SLC14A2: variants seen among roughly 807,000 people sequenced by gnomAD.
The protein encoded by SLC14A2 is urea transporter 2.
Under a neutral mutation model 104.6 loss-of-function variants are expected in SLC14A2, and 91 were observed. The ratio of observed to expected loss-of-function variants is 0.87; its 90% CI spans 0.73 to 1.04. The LOEUF (loss-of-function observed/expected upper bound fraction) is 1.04, where lower values mean the gene tolerates loss of function less well. SLC14A2 is among the 50% of genes least tolerant of loss of function. The pLI is 0.00. For missense variants in SLC14A2, 1,189 were observed against 1,156.0 expected (o/e 1.03, Z -0.41); for synonymous variants, 476 against 466.4 (o/e 1.02, Z -0.27).
chr18:45,460,630 A>T (rs549223497), intron 1 of SLC14A2, among the ~76,000 whole-genome samples: 1 of 152,352 alleles, frequency 6.6e-6, no homozygotes, highest in African/African-American at 2.4e-5. Flanking sequence ...CTAACATTTC[A>T]TGTATCTTAA....
intron 2 of SLC14A2, among the ~76,000 whole-genome samples, chr18:45,548,068 T>C (rs1237256152): frequency 6.6e-6 from 1 of 152,170 alleles, no homozygotes; most frequent in African/African-American, 2.4e-5. Flanking sequence ...TGATTTCTGA[T>C]GTCGGGAAAC....
chr18:45,625,553 G>C (rs2045243963), intron 2 of SLC14A2, 130 bp from the exon 3 acceptor site: 3 of 641,760 alleles, frequency 4.7e-6, no homozygotes, highest in African/African-American at 1.9e-5. Flanking sequence ...GCAGACAATG[G>C]GCATGTGTTC....
At chr18:45,410,117 T>C (rs1440806828) in intron 1 of SLC14A2, among the ~76,000 whole-genome samples, 2 of 152,130 alleles carry the variant, frequency 1.3e-5, no homozygotes, top group Non-Finnish European at 2.9e-5. Flanking sequence ...CTCACGCTCC[T>C]ATGAGAATCT....
intron 1 of SLC14A2, among the ~76,000 whole-genome samples, chr18:45,460,564 A>C (rs965559135): frequency 6.6e-6 from 1 of 152,222 alleles, no homozygotes; most frequent in Non-Finnish European, 1.5e-5. Flanking sequence ...AGAAAGCCTT[A>C]ATAAAGTTCA....
rs138702829 is a variant in SLC14A2 at position 45,336,586 on chromosome 18, G to C, written c.-125+123395G>C. 1.2e-3 allele frequency among the ~76,000 whole-genome samples: 180 copies of C among 152,220 alleles called. 1 individual carries two copies. The highest frequency in any genetic ancestry group is 7.2e-3 in the Admixed American group (110 of 15,296). ...CCCTGGATCTTGCCTCTGTCCCCCTGTTACCTCATCGCCAACAGAGCAGGA... is the reference window on the plus strand; with the variant it reads ...CCCTGGATCTTGCCTCTGTCCCCCTCTTACCTCATCGCCAACAGAGCAGGA... On this transcript the variant is annotated intron_variant, in intron 1 of 20. Coordinates refer to the SLC14A2 transcript ENST00000586448.
At chr18:45,174,876 A>G in the SLC14A2 span, among the ~76,000 whole-genome samples, 1 of 152,180 alleles carries the variant, frequency 6.6e-6, no homozygotes. Flanking sequence ...AAGATGCATG[A>G]GCTCATACAT....
At chr18:45,663,045 G>A (rs544208411) in intron 10 of SLC14A2, among the ~76,000 whole-genome samples, 3 of 152,340 alleles carry the variant, frequency 2.0e-5, no homozygotes, top group East Asian at 3.9e-4. Flanking sequence ...GTACAGCAGA[G>A]TGCTTCTTGT....
chr18:45,330,291 A>G (rs2085275952), intron 1 of SLC14A2, among the ~76,000 whole-genome samples: 2 of 152,126 alleles, frequency 1.3e-5, no homozygotes, highest in African/African-American at 4.8e-5. Context: ...TTGGCTTCCA[A>G]TTGTACCCCT....
intron 10 of SLC14A2, among the ~76,000 whole-genome samples, chr18:45,651,914 A>G (rs1225128920): frequency 6.6e-6 from 1 of 151,960 alleles, no homozygotes; most frequent in Non-Finnish European, 1.5e-5. Flanking sequence ...ACATTATTCA[A>G]CTCTCCTTGG....
Position 45,291,505 on chromosome 18 carries a change from G to A in SLC14A2, c.-125+78314G>A, listed in dbSNP as rs370533442. Among the ~76,000 whole-genome samples, 154 of 152,224 alleles carry A rather than the reference G, an allele frequency of 1.0e-3. No homozygotes were observed. The South Asian group carries it at 0.023, about 22-fold the overall frequency. On this transcript the variant is annotated intron_variant, in intron 1 of 20. Coordinates refer to the SLC14A2 transcript ENST00000586448. ...GGTGCTACTTATTGCCCCTGGTTAC[G>A]CAGAAGCTCAGCCGTTTTCTCCTAA...
At chr18:45,522,173 C>T in intron 2 of SLC14A2, among the ~76,000 whole-genome samples, 1 of 152,194 alleles carries the variant, frequency 6.6e-6, no homozygotes, top group Non-Finnish European at 1.5e-5. Context: ...TGGGAGCATG[C>T]ATGTTAAAGC....
At chr18:45,422,830 C>T (rs2086368306) in intron 1 of SLC14A2, among the ~76,000 whole-genome samples, 1 of 152,160 alleles carries the variant, frequency 6.6e-6, no homozygotes. Context: ...TCTGTCTTCC[C>T]TTTCTGAGTC....
At position 45,668,339 on chromosome 18, in the gene SLC14A2, C is replaced by A. The variant is rs969990786; in HGVS notation, c.1908-10C>A. 1 of 1,613,930 alleles carries A rather than the reference C, an allele frequency of 6.2e-7. No individual in the cohort carries two copies. ...GCCCCTGCTCCACCTGACCCTCCCT[C>A]TCCTGCCAGGTCGGCCATCGCTGCA... On this transcript the variant is annotated splice_polypyrimidine_tract_variant and intron_variant, in intron 14 of 19. Coordinates refer to ENST00000255226, the MANE Select transcript of SLC14A2 (RefSeq NM_007163.4).
intron 2 of SLC14A2, among the ~76,000 whole-genome samples, chr18:45,537,435 G>A (rs79493518): frequency 0.062 from 9,428 of 152,180 alleles, 357 homozygotes; most frequent in Non-Finnish European, 0.09. Context: ...CAGGTAACTG[G>A]GGAGGAGAGT....
intron 2 of SLC14A2, among the ~76,000 whole-genome samples, chr18:45,603,204 A>G (rs1458287596): frequency 6.6e-6 from 1 of 152,170 alleles, no homozygotes; most frequent in Non-Finnish European, 1.5e-5. Context: ...ACAGTGAGAA[A>G]TGGAATCCTG....
chr18:45,660,695 G>T (rs982057987), intron 10 of SLC14A2, among the ~76,000 whole-genome samples: 2 of 152,146 alleles, frequency 1.3e-5, no homozygotes, highest in African/African-American at 2.4e-5. Flanking sequence ...GTGACTTCTG[G>T]TTCCCACCAG....
intron 2 of SLC14A2, among the ~76,000 whole-genome samples, chr18:45,530,536 G>T (rs891724873): frequency 6.6e-6 from 1 of 151,974 alleles, no homozygotes; most frequent in African/African-American, 2.4e-5. Flanking sequence ...TTGCTATTCA[G>T]GTTCTCCATA....
chr18:45,520,972 T>A (rs72915338), intron 2 of SLC14A2, among the ~76,000 whole-genome samples: 11,440 of 152,206 alleles, frequency 0.075, 551 homozygotes, highest in East Asian at 0.2. Flanking sequence ...GGGTGGGCCT[T>A]CCTCCTCCCA....
chr18:45,492,903 G>C (rs1350863069), intron 2 of SLC14A2: 6 of 152,144 alleles, frequency 3.9e-5, no homozygotes, highest in Admixed American at 1.3e-4. Context: ...ACTTCAACTT[G>C]AGACAATTAT....
Sources: gnomAD v4.1 joint callset for allele counts (sites outside exome capture counted in the v4.1 genomes callset) on GRCh38, gnomAD v4.1.1 for gene constraint, MANE v1.5 for transcripts, NCBI Gene and HGNC (gene_info 2026-07-23, HGNC 2026-07-21) for gene names.